CDH18: variants seen among roughly 807,000 people sequenced by gnomAD.
CDH18 encodes cadherin-18.
Under a neutral mutation model 67.9 loss-of-function variants are expected in CDH18, and 31 were observed. The observed-to-expected ratio is 0.46, with a 90% confidence interval of 0.34 to 0.62. The LOEUF (loss-of-function observed/expected upper bound fraction) is 0.62, where lower values mean the gene tolerates loss of function less well. CDH18 is among the 20% of genes least tolerant of loss of function. The pLI is 0.01. For missense variants in CDH18, 890 were observed against 975.5 expected (o/e 0.91, Z 1.17); for synonymous variants, 362 against 347.2 (o/e 1.04, Z -0.48).
At chr5:20,203,396 G>T (rs1739603168) in intron 2 of CDH18, among the ~76,000 whole-genome samples, 1 of 152,116 alleles carries the variant, frequency 6.6e-6, no homozygotes, top group African/African-American at 2.4e-5. Context: ...ACTTGAGGAG[G>T]TATGTTCCAT....
intron 5 of CDH18, among the ~76,000 whole-genome samples, chr5:19,637,086 T>C (rs1360220513): frequency 3.3e-5 from 5 of 152,194 alleles, no homozygotes. Context: ...TTTGGAAATC[T>C]ATATATCGCA....
intron 2 of CDH18, among the ~76,000 whole-genome samples, chr5:20,224,347 G>C (rs1356587235): frequency 6.6e-6 from 1 of 152,038 alleles, no homozygotes; most frequent in Non-Finnish European, 1.5e-5. Flanking sequence ...CTTAGTTCAA[G>C]TTATTGTAAG....
chr5:19,485,912 G>A (rs1207974537), intron 11 of CDH18, among the ~76,000 whole-genome samples: 1 of 152,030 alleles, frequency 6.6e-6, no homozygotes. Context: ...CCTAGCATAC[G>A]TCTCATATTA....
At chr5:19,830,800 A>G (rs572342921) in intron 3 of CDH18, among the ~76,000 whole-genome samples, 141 of 152,120 alleles carry the variant, frequency 9.3e-4, no homozygotes, top group Non-Finnish European at 1.4e-3. Flanking sequence ...GCCCATTAAG[A>G]GTATCCTGGA....
intron 9 of CDH18, among the ~76,000 whole-genome samples, chr5:19,541,787 G>A (rs1405558253): frequency 1.3e-5 from 2 of 152,164 alleles, no homozygotes; most frequent in Non-Finnish European, 2.9e-5. Context: ...TGGGAATTAT[G>A]CGAGCTACAA....
intron 2 of CDH18, among the ~76,000 whole-genome samples, chr5:19,910,289 C>T (rs1011579245): frequency 2.0e-5 from 3 of 152,052 alleles, no homozygotes; most frequent in East Asian, 3.9e-4. Context: ...ATTCTTCTAA[C>T]GTGTCTCAGC....
chr5:20,227,712 T>C (rs1741742755), intron 2 of CDH18, among the ~76,000 whole-genome samples: 1 of 152,062 alleles, frequency 6.6e-6, no homozygotes, highest in Non-Finnish European at 1.5e-5. Context: ...GTCTCTTAAC[T>C]CCTAGGCTCA....
chr5:19,765,437 ATTTG>A (rs769487032), intron 3 of CDH18, among the ~76,000 whole-genome samples: 30 of 151,702 alleles, frequency 2.0e-4, no homozygotes, highest in Non-Finnish European at 2.9e-4. Context: ...TTCAAAAATT[ATTTG>A]TTTGGGGATT....
At chr5:19,971,797 C>T (rs1436911959) in intron 2 of CDH18, among the ~76,000 whole-genome samples, 2 of 151,364 alleles carry the variant, frequency 1.3e-5, no homozygotes, top group Non-Finnish European at 2.9e-5. Context: ...ACCTCCATGA[C>T]ACAAGTTTAC....
At chr5:20,101,787 C>G (rs1164662731) in intron 2 of CDH18, among the ~76,000 whole-genome samples, 1 of 152,116 alleles carries the variant, frequency 6.6e-6, no homozygotes, top group Non-Finnish European at 1.5e-5. Flanking sequence ...AGAAACAAAA[C>G]AGCTAGCCGG....
chr5:20,412,207 C>T (rs1300743741), intron 1 of CDH18, among the ~76,000 whole-genome samples: 1 of 151,886 alleles, frequency 6.6e-6, no homozygotes, highest in African/African-American at 2.4e-5. Flanking sequence ...GGAACATAAA[C>T]AAAGCCACAC....
chr5:20,489,027 C>A (rs1753408637), intron 1 of CDH18, among the ~76,000 whole-genome samples: 1 of 151,994 alleles, frequency 6.6e-6, no homozygotes, highest in Non-Finnish European at 1.5e-5. Flanking sequence ...AAGATGGAAG[C>A]AGCTTCCACT....
chr5:20,278,480 A>G (rs1745978642), intron 1 of CDH18, among the ~76,000 whole-genome samples: 1 of 152,116 alleles, frequency 6.6e-6, no homozygotes. Context: ...AATTTCTACA[A>G]TATAAGACCT....
Position 20,233,420 on chromosome 5 carries a change from AATG to A in CDH18, c.-518+22021_-518+22023del, listed in dbSNP as rs577786863. Among the ~76,000 whole-genome samples, 7 of 152,008 alleles carry A rather than the reference AATG, an allele frequency of 4.6e-5. No homozygotes were observed. The South Asian group carries it at 1.4e-3, about 31-fold the overall frequency. On this transcript the variant is annotated intron_variant, in intron 2 of 14. Coordinates refer to the CDH18 transcript ENST00000507958. ...TTTTATATATTACTCTGTCATATAT[AATG>A]ATAATCTTAGCTAGACTGATAGTCT...
chr5:19,811,037 A>AGGAAAG (rs372752334), intron 3 of CDH18, among the ~76,000 whole-genome samples: 8,369 of 141,236 alleles, frequency 0.059, 481 homozygotes, highest in African/African-American at 0.067. Context: ...AGGAAAGGAA[A>AGGAAAG]GGAAAGGGAA....
At chr5:20,500,415 C>A (rs141301567) in intron 1 of CDH18, among the ~76,000 whole-genome samples, 1 of 152,176 alleles carries the variant, frequency 6.6e-6, no homozygotes, top group South Asian at 2.1e-4. Flanking sequence ...ATTTAATATA[C>A]CAAATATCCC....
At chr5:20,145,050 TTCTGTTGTTTCAGCTACCCTG>T (rs1174939441) in intron 2 of CDH18, among the ~76,000 whole-genome samples, 1 of 152,106 alleles carries the variant, frequency 6.6e-6, no homozygotes, top group Non-Finnish European at 1.5e-5. Flanking sequence ...AGACAACACA[TTCTGTTGTTTCAGCTACCCTG>T]TTTGTGCTCT....
intron 1 of CDH18, among the ~76,000 whole-genome samples, chr5:19,987,240 C>T (rs571118343): frequency 6.8e-6 from 1 of 147,770 alleles, no homozygotes; most frequent in African/African-American, 2.6e-5. Flanking sequence ...CCTAGAGCCA[C>T]ATCTGTACAG....
chr5:20,507,451 G>A (rs1171807917), intron 1 of CDH18, among the ~76,000 whole-genome samples: 2 of 152,062 alleles, frequency 1.3e-5, no homozygotes, highest in Admixed American at 6.6e-5. Context: ...ATGAAGATAA[G>A]GAATTCATAA....
Sources: gnomAD v4.1 joint callset for allele counts (sites outside exome capture counted in the v4.1 genomes callset) on GRCh38, gnomAD v4.1.1 for gene constraint, MANE v1.5 for transcripts, NCBI Gene and HGNC (gene_info 2026-07-23, HGNC 2026-07-21) for gene names.